ZRANB3: variants seen among roughly 807,000 people sequenced by gnomAD.
ZRANB3 encodes zinc finger RANBP2-type containing 3, also known as DNA annealing helicase and endonuclease ZRANB3.
In ZRANB3, 125 loss-of-function variants were observed where a neutral mutation model predicts 133.8. The observed-to-expected ratio is 0.93, with a 90% CI of 0.81 to 1.08. ZRANB3 has a LOEUF of 1.08. Among genes scored for constraint, ZRANB3 ranks in the 50% least tolerant of loss-of-function variants. ZRANB3 has a pLI of 0.00. For synonymous variants in ZRANB3, 387 were observed against 432.7 expected (o/e 0.89, Z 1.31); for missense variants, 1,229 against 1,275.5 (o/e 0.96, Z 0.56).
intron 1 of ZRANB3, among the ~76,000 whole-genome samples, chr2:135,505,130 C>T (rs568326647): frequency 6.6e-6 from 1 of 152,204 alleles, no homozygotes; most frequent in South Asian, 2.1e-4. Context: ...CTGTAATTTT[C>T]TATGACATAA....
intron 3 of ZRANB3, among the ~76,000 whole-genome samples, chr2:135,360,870 G>C (rs556345841): frequency 6.6e-6 from 1 of 152,024 alleles, no homozygotes; most frequent in African/African-American, 2.4e-5. Context: ...GGGCTCAAGC[G>C]GTTCTCCCAC....
intron 8 of ZRANB3, among the ~76,000 whole-genome samples, chr2:135,287,206 T>C (rs1681419078): frequency 6.6e-6 from 1 of 152,236 alleles, no homozygotes; most frequent in African/African-American, 2.4e-5. Context: ...TTCTGTTTGC[T>C]TTGTTGAAGA....
chr2:135,426,870 ATATATATATATATATATATATATATATAT>A (rs1689115860), intron 2 of ZRANB3, among the ~76,000 whole-genome samples: 1 of 25,176 alleles, frequency 4.0e-5, no homozygotes, highest in Non-Finnish European at 5.5e-5. Context: ...AAAAATATAT[ATATATATATATATATATATATATATATAT>A]ATATATATAT....
chr2:135,236,810 C>A (rs1421131730), intron 12 of ZRANB3, among the ~76,000 whole-genome samples: 2 of 152,078 alleles, frequency 1.3e-5, no homozygotes, highest in Non-Finnish European at 2.9e-5. Context: ...AAAGACTTAC[C>A]ATGTTAGACC....
rs1574040901 is a variant in ZRANB3, at chr2:135,401,026, G to A, written c.162-10206C>T. Among the ~76,000 whole-genome samples the A allele has an allele frequency of 2.6e-5, 4 of 152,184 alleles. No homozygotes were observed. In the South Asian group the frequency reaches 8.3e-4, roughly 32 times the overall value. The stretch of plus-strand genomic sequence containing the variant: ...AAAATCAGGCCTATGTATATTTAGT[G>A]GTCCCTTTTGCATTTAGGATTATAT... On this transcript the variant is annotated intron_variant, in intron 2 of 20. Transcript: ENST00000264159.
rs575599523 is a variant in ZRANB3, at chr2:135,233,109, G to A, written c.1540-2182C>T. On this transcript the variant is annotated intron_variant, in intron 12 of 20. Coordinates refer to ENST00000264159, the MANE Select transcript of ZRANB3 (RefSeq NM_032143.4). ...AGAGAAGTCCTTAAAGGACCTGATGGAGCTGAAAACCATGGCACGAGAGCT... is the reference window on the plus strand; with the variant it reads ...AGAGAAGTCCTTAAAGGACCTGATGAAGCTGAAAACCATGGCACGAGAGCT... Among the ~76,000 whole-genome samples, 451 of 152,324 alleles carry A rather than the reference G, an allele frequency of 3.0e-3. 1 individual carries two copies. Among genetic ancestry groups the A allele is most frequent in the African/African-American group, 0.01 (427 of 41,570 alleles).
chr2:135,427,111 C>A (rs566649603), intron 2 of ZRANB3, among the ~76,000 whole-genome samples: 1 of 151,508 alleles, frequency 6.6e-6, no homozygotes, highest in African/African-American at 2.4e-5. Context: ...CAACATCATA[C>A]TGAATAGGCA....
At chr2:135,320,536 ATTC>A (rs1486426552) in intron 6 of ZRANB3, among the ~76,000 whole-genome samples, 1 of 152,218 alleles carries the variant, frequency 6.6e-6, no homozygotes, top group Admixed American at 6.5e-5. Flanking sequence ...GTAAGTAAAA[ATTC>A]ATTTATTCTT....
At chr2:135,292,610 T>C (rs1681812305) in intron 8 of ZRANB3, among the ~76,000 whole-genome samples, 1 of 152,246 alleles carries the variant, frequency 6.6e-6, no homozygotes, top group Non-Finnish European at 1.5e-5. Flanking sequence ...TTAGATCCCA[T>C]TTGACAATTT....
intron 7 of ZRANB3, among the ~76,000 whole-genome samples, chr2:135,314,905 A>G (rs2104826427): frequency 6.6e-6 from 1 of 151,956 alleles, no homozygotes; most frequent in East Asian, 1.9e-4. Context: ...ACTCGCCACC[A>G]CACTCAACTA....
intron 8 of ZRANB3, among the ~76,000 whole-genome samples, chr2:135,290,124 G>T (rs554890255): frequency 9.3e-4 from 142 of 152,252 alleles, no homozygotes; most frequent in African/African-American, 3.0e-3. Flanking sequence ...TTATTCTAGG[G>T]TATAGTTTCA....
intron 9 of ZRANB3, among the ~76,000 whole-genome samples, chr2:135,275,372 C>T (rs187110085): frequency 4.1e-5 from 6 of 146,580 alleles, no homozygotes; most frequent in Non-Finnish European, 4.6e-5. Flanking sequence ...CCAGATGGGG[C>T]GGCTGGCATG....
chr2:135,243,111 G>T (rs967540280), intron 12 of ZRANB3, among the ~76,000 whole-genome samples: 1 of 152,156 alleles, frequency 6.6e-6, no homozygotes, highest in Non-Finnish European at 1.5e-5. Flanking sequence ...TCACTGTAGG[G>T]TCATCACAGA....
intron 12 of ZRANB3, among the ~76,000 whole-genome samples, chr2:135,236,683 T>C (rs1182134282): frequency 1.3e-5 from 2 of 152,106 alleles, no homozygotes; most frequent in Non-Finnish European, 2.9e-5. Context: ...AAACAAGCAA[T>C]GGGGAAAGGA....
intron 8 of ZRANB3, among the ~76,000 whole-genome samples, chr2:135,290,220 T>C (rs1475106321): frequency 2.0e-5 from 3 of 152,184 alleles, no homozygotes; most frequent in Non-Finnish European, 4.4e-5. Context: ...TATTGTGTTG[T>C]GGTCTATCTA....
intron 2 of ZRANB3, among the ~76,000 whole-genome samples, chr2:135,403,181 A>G (rs80128008): frequency 0.1 from 15,844 of 152,198 alleles, 1,085 homozygotes; most frequent in South Asian, 0.32. Flanking sequence ...AACCGCAAGG[A>G]GTCAGGGAAT....
intron 10 of ZRANB3, chr2:135,271,227 C>T (rs1228798207): frequency 2.2e-6 from 1 of 452,428 alleles, no homozygotes; most frequent in Non-Finnish European, 4.6e-6. Context: ...TCAGGCTAGG[C>T]CTGGACTGTC....
At chr2:135,420,117 A>G (rs1558988198) in intron 2 of ZRANB3, among the ~76,000 whole-genome samples, 1 of 104,368 alleles carries the variant, frequency 9.6e-6, no homozygotes, top group Non-Finnish European at 1.8e-5. Flanking sequence ...ATATATATAT[A>G]TATATATAAC....
At chr2:135,357,912 G>A (rs1031682852) in intron 3 of ZRANB3, among the ~76,000 whole-genome samples, 3 of 152,166 alleles carry the variant, frequency 2.0e-5, no homozygotes, top group African/African-American at 7.2e-5. Flanking sequence ...AGTTTTCTTA[G>A]GGAAGGCAAA....
Sources: allele counts gnomAD v4.1 joint callset (sites outside exome capture counted in the v4.1 genomes callset), GRCh38; gene constraint gnomAD v4.1.1; transcripts MANE v1.5; gene names NCBI Gene and HGNC (gene_info 2026-07-23, HGNC 2026-07-21).